COMMD10: variants seen among roughly 807,000 people sequenced by gnomAD.
COMMD10 encodes COMM domain containing 10.
A neutral mutation model predicts 28.9 loss-of-function variants in COMMD10; 33 were observed. That is an observed-to-expected ratio of 1.14 (90% CI 0.87 to 1.53). The LOEUF is 1.53. Among genes scored for constraint, COMMD10 ranks in the 40% most tolerant of loss-of-function variants. The pLI, the probability that COMMD10 is intolerant of heterozygous loss-of-function variation, is 0.00. For synonymous variants in COMMD10, 110 were observed against 81.7 expected, an observed-to-expected ratio of 1.35 and a Z score of -1.87; for missense variants, 310 against 233.4, an observed-to-expected ratio of 1.33 and a Z score of -2.14.
At chr5:116,265,778 C>G (rs529766715) in intron 5 of COMMD10, among the ~76,000 whole-genome samples, 1 of 151,752 alleles carries the variant, frequency 6.6e-6, no homozygotes, top group Admixed American at 6.6e-5. Flanking sequence ...TCATAATTTG[C>G]TCAAGGTCAC....
chr5:116,231,646 C>G (rs796622297), intron 5 of COMMD10, among the ~76,000 whole-genome samples: 1 of 152,046 alleles, frequency 6.6e-6, no homozygotes, highest in Non-Finnish European at 1.5e-5. Flanking sequence ...TTTCAGATTC[C>G]TACAGTCTAA....
At chr5:116,277,925 G>T (rs1750964274) in intron 5 of COMMD10, among the ~76,000 whole-genome samples, 1 of 151,766 alleles carries the variant, frequency 6.6e-6, no homozygotes, top group Non-Finnish European at 1.5e-5. Flanking sequence ...TTCTGTCTAT[G>T]AATCTAATGC....
At chr5:116,273,859 CATTT>C (rs1750825364) in intron 5 of COMMD10, among the ~76,000 whole-genome samples, 1 of 151,516 alleles carries the variant, frequency 6.6e-6, no homozygotes, top group South Asian at 2.1e-4. Flanking sequence ...TCAAAAAAGG[CATTT>C]ATTATTAATA....
chr5:116,286,687 C>T lies in COMMD10; in HGVS notation c.511-4830C>T, dbSNP rs1751228281. Among the ~76,000 whole-genome samples, 7 of 151,802 alleles carry T rather than the reference C, an allele frequency of 4.6e-5. No homozygotes were observed. In the South Asian group the frequency reaches 1.5e-3, roughly 31 times the overall value. ...AGATTTCCCAGTTTTCCTTGTGCTA[C>T]TGGTTTGTAGTTTTATTCCATTGTA... On this transcript the variant is annotated intron_variant, in intron 5 of 6. Coordinates refer to ENST00000274458, the MANE Select transcript of COMMD10 (RefSeq NM_016144.4).
intron 5 of COMMD10, among the ~76,000 whole-genome samples, chr5:116,270,040 C>A (rs1051061138): frequency 6.3e-4 from 8 of 12,750 alleles, no homozygotes; most frequent in Non-Finnish European, 1.9e-3. Flanking sequence ...AGTAAATGGA[C>A]AGCATTTAAA....
intron 5 of COMMD10, among the ~76,000 whole-genome samples, chr5:116,150,103 T>C (rs1227090720): frequency 6.6e-6 from 1 of 152,186 alleles, no homozygotes; most frequent in South Asian, 2.1e-4. Flanking sequence ...GCACCATTTA[T>C]TAAATAGGGA....
intron 5 of COMMD10, among the ~76,000 whole-genome samples, chr5:116,217,848 A>G (rs1749144318): frequency 1.3e-5 from 2 of 152,106 alleles, no homozygotes; most frequent in Admixed American, 1.3e-4. Context: ...AAGACACCCT[A>G]TTAGTGACAT....
chr5:116,137,966 T>G (rs563660521), intron 5 of COMMD10, among the ~76,000 whole-genome samples: 17 of 152,056 alleles, frequency 1.1e-4, no homozygotes, highest in African/African-American at 3.9e-4. Flanking sequence ...TGACTTAAAG[T>G]TTTTTTCGTT....
chr5:116,201,934 T>C (rs1054716926), intron 5 of COMMD10, among the ~76,000 whole-genome samples: 5 of 151,994 alleles, frequency 3.3e-5, no homozygotes, highest in Non-Finnish European at 7.4e-5. Flanking sequence ...ATGTGCACAA[T>C]GTGCAGGTTA....
chr5:116,250,175 TG>T (rs978165100), intron 5 of COMMD10, among the ~76,000 whole-genome samples: 7 of 128,438 alleles, frequency 5.5e-5, no homozygotes, highest in Admixed American at 1.4e-4. Context: ...CTGTGATACC[TG>T]GAAAAAATTA....
rs574705367 is a variant in COMMD10 at position 116,211,015 on chromosome 5, A to C, written c.510+76837A>C. On this transcript the variant is annotated intron_variant, in intron 5 of 6. Coordinates refer to ENST00000274458, the MANE Select transcript of COMMD10 (RefSeq NM_016144.4). ...TGTGTTTAATATTATTTCGGTTTTT[A>C]TTAATGCTTGGTATATTTTGTTAAT... is the stretch of plus-strand genomic sequence containing the variant. Among the ~76,000 whole-genome samples, 65 of 151,956 alleles carry C rather than the reference A, an allele frequency of 4.3e-4. No individual in the cohort carries two copies. The East Asian group carries it at 0.01, about 24-fold the overall frequency.
chr5:116,194,143 A>C (rs1440366557), intron 5 of COMMD10, among the ~76,000 whole-genome samples: 1 of 152,152 alleles, frequency 6.6e-6, no homozygotes, highest in Middle Eastern at 3.2e-3. Context: ...ACAACCTACC[A>C]AAACCTCTGG....
At chr5:116,151,235 T>C (rs1235947076) in intron 5 of COMMD10, among the ~76,000 whole-genome samples, 1 of 151,746 alleles carries the variant, frequency 6.6e-6, no homozygotes, top group African/African-American at 2.4e-5. Context: ...GATAAGCTTT[T>C]TGATGTGCTG....
chr5:116,213,101 G>A (rs927817350), intron 5 of COMMD10, among the ~76,000 whole-genome samples: 2 of 151,980 alleles, frequency 1.3e-5, no homozygotes, highest in Non-Finnish European at 2.9e-5. Context: ...TTATTGGCCT[G>A]CTTTCTGCTA....
intron 5 of COMMD10, among the ~76,000 whole-genome samples, chr5:116,207,860 C>T (rs865802386): frequency 4.6e-5 from 7 of 152,170 alleles, no homozygotes; most frequent in Admixed American, 6.5e-5. Flanking sequence ...CAACCTTTAA[C>T]ATTGCCTCCC....
intron 4 of COMMD10, among the ~76,000 whole-genome samples, chr5:116,096,941 T>G (rs1304944859): frequency 6.6e-6 from 1 of 152,084 alleles, no homozygotes; most frequent in Non-Finnish European, 1.5e-5. Flanking sequence ...AGTAGCCTGT[T>G]TTCTGTTTAT....
intron 5 of COMMD10, among the ~76,000 whole-genome samples, chr5:116,166,980 T>C (rs1360631369): frequency 2.0e-5 from 3 of 151,998 alleles, no homozygotes; most frequent in Admixed American, 1.3e-4. Flanking sequence ...CAAGGGAACA[T>C]AACTGGTTGG....
intron 5 of COMMD10, among the ~76,000 whole-genome samples, chr5:116,287,920 A>G (rs1243784640): frequency 6.6e-6 from 1 of 151,760 alleles, no homozygotes; most frequent in Admixed American, 6.6e-5. Flanking sequence ...ATTAATATAG[A>G]TTTATGGGTT....
At chr5:116,264,793 T>A (rs1750542329) in intron 5 of COMMD10, among the ~76,000 whole-genome samples, 1 of 151,896 alleles carries the variant, frequency 6.6e-6, no homozygotes, top group Admixed American at 6.6e-5. Context: ...ATAGATGTCA[T>A]GTAAATGCAA....
Sources: gnomAD v4.1 joint callset for allele counts (sites outside exome capture counted in the v4.1 genomes callset) on GRCh38, gnomAD v4.1.1 for gene constraint, MANE v1.5 for transcripts, NCBI Gene and HGNC (gene_info 2026-07-23, HGNC 2026-07-21) for gene names.